NEK7: variants seen among roughly 807,000 people sequenced by gnomAD.
NEK7 encodes serine/threonine-protein kinase Nek7.
In NEK7, 18 loss-of-function variants were observed where a neutral mutation model predicts 44.6. The observed-to-expected ratio is 0.40, with a 90% CI of 0.28 to 0.60. The LOEUF (loss-of-function observed/expected upper bound fraction) is 0.60, where lower values mean the gene tolerates loss of function less well. Ranked by LOEUF, NEK7 falls within the 20% of genes least tolerant of loss-of-function variation. The pLI is 0.38. For missense variants in NEK7, 256 were observed against 366.5 expected, an observed-to-expected ratio of 0.70 and a Z score of 2.46; for synonymous variants, 130 against 121.1, an observed-to-expected ratio of 1.07 and a Z score of -0.48.
chr1:198,243,065 A>G (rs899246798), intron 2 of NEK7, among the ~76,000 whole-genome samples: 5 of 152,062 alleles, frequency 3.3e-5, no homozygotes, highest in Admixed American at 6.5e-5. Context: ...CCTTGAACAC[A>G]TCGAGTTCAT....
intron 1 of NEK7, among the ~76,000 whole-genome samples, chr1:198,214,961 A>G (rs1665874848): frequency 6.6e-6 from 1 of 152,224 alleles, no homozygotes; most frequent in South Asian, 2.1e-4. Context: ...TGGAAACCGT[A>G]TTAGATGAAC....
chr1:198,230,298 C>T (rs1666348097), intron 1 of NEK7, among the ~76,000 whole-genome samples: 1 of 152,040 alleles, frequency 6.6e-6, no homozygotes. Context: ...TCCTCCCGAC[C>T]TTGAATCCAA....
intron 3 of NEK7, among the ~76,000 whole-genome samples, chr1:198,253,879 C>G (rs1212008217): frequency 6.6e-6 from 1 of 152,138 alleles, no homozygotes; most frequent in African/African-American, 2.4e-5. Context: ...ATGAGGTCCT[C>G]TGGCCTAGAA....
chr1:198,288,181 G>C (rs1321555995), intron 7 of NEK7, among the ~76,000 whole-genome samples: 1 of 152,314 alleles, frequency 6.6e-6, no homozygotes, highest in Admixed American at 6.5e-5. Context: ...GTTGAGAGCT[G>C]TAAAGGCAGC....
At chr1:198,169,392 T>C (rs1664366054) in intron 1 of NEK7, among the ~76,000 whole-genome samples, 1 of 152,202 alleles carries the variant, frequency 6.6e-6, no homozygotes, top group African/African-American at 2.4e-5. Context: ...AAAACAAATA[T>C]CCAAGTTTAT....
intron 2 of NEK7, among the ~76,000 whole-genome samples, chr1:198,248,159 G>A (rs148872148): frequency 1.1e-3 from 165 of 152,204 alleles, no homozygotes; most frequent in African/African-American, 3.6e-3. Context: ...ATGCCTAGCC[G>A]AAAAAGAGAA....
At chr1:198,267,848 T>C (rs2102958834) in intron 5 of NEK7, among the ~76,000 whole-genome samples, 1 of 152,154 alleles carries the variant, frequency 6.6e-6, no homozygotes, top group South Asian at 2.1e-4. Context: ...GTTCTTTTTT[T>C]TCCTTCACAG....
At chr1:198,183,927 C>T (rs1463855721) in intron 1 of NEK7, among the ~76,000 whole-genome samples, 4 of 152,014 alleles carry the variant, frequency 2.6e-5, no homozygotes, top group Admixed American at 1.3e-4. Context: ...TTCCTTTATT[C>T]CGTTTTATCC....
At chr1:198,317,877 A>ATTTTTTTTTTTTTTTT (rs34704209) in intron 9 of NEK7, among the ~76,000 whole-genome samples, 2 of 70,262 alleles carry the variant, frequency 2.8e-5, no homozygotes, top group Non-Finnish European at 4.9e-5. Flanking sequence ...GGATATATTT[A>ATTTTTTTTTTTTTTTT]TTTTTTTTTT....
At chr1:198,229,915 CAGT>C (rs1283278341) in intron 1 of NEK7, among the ~76,000 whole-genome samples, 3 of 152,050 alleles carry the variant, frequency 2.0e-5, no homozygotes, top group Non-Finnish European at 2.9e-5. Context: ...TGTCACGTAT[CAGT>C]AGCTATAGCA....
intron 6 of NEK7, 80 bp downstream of exon 6, chr1:198,278,149 C>T (rs1285873519): frequency 4.2e-6 from 3 of 719,950 alleles, no homozygotes; most frequent in Non-Finnish European, 7.2e-6. Context: ...CAAGTCAGTA[C>T]ATAATACCAT....
chr1:198,297,124 C>T lies in NEK7; in HGVS notation c.685-3C>T. On this transcript the variant is annotated splice_region_variant and splice_polypyrimidine_tract_variant and intron_variant, in intron 8 of 9. Transcript: ENST00000367385. ...TATCAGTTTCATTGGGGGCATTTTACAGATGGCTGCATTACAAAGTCCTTT... is the reference window on the plus strand; with the variant it reads ...TATCAGTTTCATTGGGGGCATTTTATAGATGGCTGCATTACAAAGTCCTTT... 6.3e-7 allele frequency: 1 copy of T among 1,595,900 alleles called. No homozygotes were observed. The highest frequency in any genetic ancestry group is 8.6e-7 in the Non-Finnish European group (1 of 1,164,494).
chr1:198,231,783 A>G (rs1396763968), intron 1 of NEK7, among the ~76,000 whole-genome samples: 2 of 152,044 alleles, frequency 1.3e-5, no homozygotes. Flanking sequence ...AAAGAGTATG[A>G]TGAAGTGAAG....
chr1:198,248,174 T>C (rs919466319), intron 2 of NEK7, among the ~76,000 whole-genome samples: 3 of 152,142 alleles, frequency 2.0e-5, no homozygotes, highest in African/African-American at 7.2e-5. Flanking sequence ...AGAGAAGATA[T>C]GAGGGCATGT....
chr1:198,162,517 A>G (rs1405863342), intron 1 of NEK7, among the ~76,000 whole-genome samples: 1 of 152,198 alleles, frequency 6.6e-6, no homozygotes, highest in African/African-American at 2.4e-5. Context: ...CTTGAGGAGT[A>G]AATGAAAATA....
At chr1:198,213,398 A>G (rs914984667) in intron 1 of NEK7, among the ~76,000 whole-genome samples, 2 of 152,148 alleles carry the variant, frequency 1.3e-5, no homozygotes, top group Admixed American at 6.5e-5. Context: ...GTGCTTGTGA[A>G]GGGTCTTGGA....
intron 9 of NEK7, among the ~76,000 whole-genome samples, chr1:198,317,886 T>A (rs993074049): frequency 7.0e-5 from 10 of 142,544 alleles, no homozygotes; most frequent in African/African-American, 1.9e-4. Context: ...TATTTTTTTT[T>A]TTTTTTTTTT....
intron 9 of NEK7, among the ~76,000 whole-genome samples, chr1:198,313,928 G>A (rs541367304): frequency 0.011 from 1,656 of 151,782 alleles, 12 homozygotes; most frequent in Non-Finnish European, 0.018. Flanking sequence ...TGCTCTTCTC[G>A]AGGAGTATCT....
intron 4 of NEK7, among the ~76,000 whole-genome samples, chr1:198,263,193 G>T (rs1653535109): frequency 1.3e-5 from 2 of 151,810 alleles, no homozygotes; most frequent in Non-Finnish European, 2.9e-5. Flanking sequence ...AAATACTGCG[G>T]CCTATGTTGT....
Sources: allele counts gnomAD v4.1 joint callset (sites outside exome capture counted in the v4.1 genomes callset), GRCh38; gene constraint gnomAD v4.1.1; transcripts MANE v1.5; gene names NCBI Gene and HGNC (gene_info 2026-07-23, HGNC 2026-07-21).